Variants in DMD observed in about 807,000 individuals in gnomAD.
The protein encoded by DMD is dystrophin.
DMD carries 63 observed loss-of-function variants against 330.1 expected under a neutral mutation model. The observed-to-expected ratio is 0.19, with a 90% CI of 0.16 to 0.24. The LOEUF is 0.24. DMD is among the 10% of genes least tolerant of loss of function. DMD has a pLI of 1.00. For missense variants in DMD, 3,344 were observed against 2,684.1 expected (o/e 1.25, Z -5.43); for synonymous variants, 1,223 against 959.8 (o/e 1.27, Z -5.07).
At chrX:33,048,608 C>T (rs2094415515) in intron 1 of DMD, among the ~76,000 whole-genome samples, 1 of 101,374 alleles carries the variant, frequency 9.9e-6, no homozygotes, top group Admixed American at 1.1e-4. Context: ...GCAGGAGAAT[C>T]GCTTGAACCC....
chrX:32,300,920 C>G lies in DMD; in HGVS notation c.6117+9162G>C, dbSNP rs2097520907. On this transcript the variant is annotated intron_variant, in intron 42 of 78. Coordinates refer to ENST00000357033, the MANE Select transcript of DMD (RefSeq NM_004006.3). ...ATGTTATACTTTTTAATTCTATTTA[C>G]ATATGCAATCATGAGCATCTTATTA... Among the ~76,000 whole-genome samples, 3 of 110,727 alleles carry G rather than the reference C, an allele frequency of 2.7e-5. No homozygotes were observed. The Admixed American group carries it at 2.9e-4, about 11-fold the overall frequency.
intron 9 of DMD, among the ~76,000 whole-genome samples, chrX:32,695,747 G>C (rs775454638): frequency 8.9e-6 from 1 of 111,750 alleles, no homozygotes; most frequent in South Asian, 3.7e-4. Flanking sequence ...ACAGATTGAA[G>C]CCAGGTTATT....
chrX:31,747,052 GC>G (rs1489364424), intron 51 of DMD, among the ~76,000 whole-genome samples: 4 of 111,227 alleles, frequency 3.6e-5, no homozygotes, highest in African/African-American at 1.3e-4. Flanking sequence ...ATAAAAATCT[GC>G]CCTTGATTGG....
chrX:32,410,556 A>C (rs2098137482), intron 30 of DMD, among the ~76,000 whole-genome samples: 1 of 111,788 alleles, frequency 8.9e-6, no homozygotes, highest in South Asian at 3.7e-4. Context: ...TTAAAGTGAA[A>C]AACTTCAGAC....
intron 55 of DMD, among the ~76,000 whole-genome samples, chrX:31,626,138 C>T (rs774174163): frequency 9.1e-6 from 1 of 110,169 alleles, no homozygotes; most frequent in African/African-American, 3.3e-5. Flanking sequence ...GCGCAGGTCA[C>T]CATACCCAGC....
At chrX:32,700,821 G>A (rs1467109274) in intron 7 of DMD, among the ~76,000 whole-genome samples, 1 of 111,490 alleles carries the variant, frequency 9.0e-6, no homozygotes, top group African/African-American at 3.2e-5. Context: ...TCTGTATTCA[G>A]TATGTATATT....
At chrX:31,508,384 T>C in intron 55 of DMD, 2 of 589,591 alleles carry the variant, frequency 3.4e-6, no homozygotes, top group Non-Finnish European at 5.1e-6. Flanking sequence ...GCCTCACCAG[T>C]CAATAATAAT....
intron 56 of DMD, among the ~76,000 whole-genome samples, chrX:31,503,064 AT>A (rs34976122): frequency 0.091 from 10,156 of 111,586 alleles, 365 homozygotes; most frequent in East Asian, 0.18. Context: ...CCAACATGTG[AT>A]GTAATAATGC....
chrX:31,556,110 G>T (rs2074804462), intron 55 of DMD, among the ~76,000 whole-genome samples: 1 of 110,766 alleles, frequency 9.0e-6, no homozygotes, highest in South Asian at 3.9e-4. Flanking sequence ...GCTCACGCCT[G>T]TAATCCCAGC....
chrX:31,980,113 C>T (rs1212883978), intron 44 of DMD, among the ~76,000 whole-genome samples: 3 of 112,078 alleles, frequency 2.7e-5, no homozygotes, highest in Non-Finnish European at 3.8e-5. Flanking sequence ...AATGGCACAA[C>T]CACTTTAGAA....
chrX:32,204,368 C>T (rs2097054613), intron 44 of DMD, among the ~76,000 whole-genome samples: 4 of 112,436 alleles, frequency 3.6e-5, no homozygotes, highest in Admixed American at 9.4e-5. Flanking sequence ...ATTTTTAAAA[C>T]AGCATGCAAA....
At chrX:32,632,766 C>T (rs926161701) in intron 11 of DMD, among the ~76,000 whole-genome samples, 2 of 111,613 alleles carry the variant, frequency 1.8e-5, no homozygotes, top group African/African-American at 6.5e-5. Flanking sequence ...GCACAGTGTA[C>T]GAGGTTGAAC....
rs183922638 is a variant in DMD at position 32,655,101 on chromosome X, T to C, written c.961-9949A>G. 3.8e-3 allele frequency among the ~76,000 whole-genome samples: 426 copies of C among 112,000 alleles called. 5 individuals are homozygous for C. The highest frequency in any genetic ancestry group is 0.03 in the Admixed American group (316 of 10,556). ...TGATCATAACCAGCTCCTAGATTCA[T>C]TGATTTTTTAAAGGGCTTTTTGTGT... On this transcript the variant is annotated intron_variant, in intron 9 of 78. Transcript: ENST00000357033.
At chrX:32,490,544 G>A (rs976076365) in intron 20 of DMD, among the ~76,000 whole-genome samples, 11 of 111,280 alleles carry the variant, frequency 9.9e-5, no homozygotes, top group African/African-American at 3.3e-4. Context: ...GAGGAGCCCT[G>A]ACAAGATTCT....
chrX:31,840,144 T>G (rs1171146983), intron 48 of DMD, among the ~76,000 whole-genome samples: 1 of 111,882 alleles, frequency 8.9e-6, no homozygotes, highest in Non-Finnish European at 1.9e-5. Context: ...TTTGATACAT[T>G]TGATCTAACT....
Position 33,070,639 on chromosome X carries a change from A to ATCTCTCTCTC in DMD, c.32-50449_32-50440dup, listed in dbSNP as rs1291687487. Among the ~76,000 whole-genome samples the ATCTCTCTCTC allele has an allele frequency of 1.6e-3, 35 of 21,384 alleles. 4 individuals carry two copies. Among genetic ancestry groups the ATCTCTCTCTC allele is most frequent in the Non-Finnish European group, 2.0e-3 (21 of 10,523 alleles). 18.6% of individuals were successfully genotyped at this position (21,384 alleles called of 115,157 possible). Reference sequence around the variant, plus strand: ...GAGGTATCTATATCTGTATCTATCCATCTCTCTCTCTCTCTCTCTCTCTCT... The same window carrying ATCTCTCTCTC: ...GAGGTATCTATATCTGTATCTATCCATCTCTCTCTCTCTCTCTCTCTCTCTCTCTCTCTCT... On this transcript the variant is annotated intron_variant, in intron 1 of 78. Coordinates refer to ENST00000357033, the MANE Select transcript of DMD (RefSeq NM_004006.3).
chrX:32,668,935 C>A (rs773164178), intron 9 of DMD, among the ~76,000 whole-genome samples: 35 of 111,132 alleles, frequency 3.1e-4, no homozygotes, highest in African/African-American at 1.0e-3. Flanking sequence ...TTTTTCTGGA[C>A]ATTTTTGTCC....
chrX:32,337,083 T>C (rs1455207963), intron 41 of DMD, among the ~76,000 whole-genome samples: 1 of 111,409 alleles, frequency 9.0e-6, no homozygotes, highest in Non-Finnish European at 1.9e-5. Flanking sequence ...GGTTAGAGGT[T>C]GTTGAAGTAA....
At chrX:32,500,513 A>C (rs2043943506) in intron 19 of DMD, among the ~76,000 whole-genome samples, 1 of 111,962 alleles carries the variant, frequency 8.9e-6, no homozygotes, top group Non-Finnish European at 1.9e-5. Flanking sequence ...GAGACCATTT[A>C]AAGTATAGCT....
Sources: gnomAD v4.1 joint callset for allele counts (sites outside exome capture counted in the v4.1 genomes callset) on GRCh38, gnomAD v4.1.1 for gene constraint, MANE v1.5 for transcripts, NCBI Gene and HGNC (gene_info 2026-07-23, HGNC 2026-07-21) for gene names.